MLN: variants seen among roughly 807,000 people sequenced by gnomAD.
MLN encodes the protein motilin.
MLN carries 14 observed loss-of-function variants against 13.3 expected under a neutral mutation model. The ratio of observed to expected loss-of-function variants is 1.05; its 90% CI spans 0.69 to 1.64. The LOEUF (loss-of-function observed/expected upper bound fraction) is 1.64. MLN is among the 40% of genes most tolerant of loss of function. The pLI is 0.00. For missense variants in MLN, 122 were observed against 142.9 expected, an observed-to-expected ratio of 0.85 and a Z score of 0.75; for synonymous variants, 59 against 54.7, an observed-to-expected ratio of 1.08 and a Z score of -0.34.
Position 33,799,116 on chromosome 6 carries a change from C to T in MLN, c.223G>A (p.Glu75Lys), listed in dbSNP as rs368261744. The T allele has an allele frequency of 1.1e-5, 18 of 1,605,770 alleles. No individual in the cohort carries two copies. Among genetic ancestry groups the T allele is most frequent in the South Asian group, 6.6e-5 (6 of 90,586 alleles). Residue 75 changes from glutamate to lysine, a missense_variant, in exon 3 of 5, where the codon GAA becomes AAA. By Grantham distance (56) the Glu-to-Lys change is moderately conservative. Coordinates refer to ENST00000430124, the MANE Select transcript of MLN (RefSeq NM_002418.3). This position sits in a 1 kb window ranked among gnomAD's most constrained non-coding sequence, Gnocchi z 4.6. ...PAEPIREEEN[E>K]MIKLTAPLEI... The stretch of plus-strand genomic sequence containing the variant: ...AGTTGTCTGCTCACCTTGATCATTT[C>T]GTTTTCTTCTTCCCTGATGGGCTCC...
Position 33,803,307 on chromosome 6 carries a change from CTT to C in MLN, c.-8+644_-8+645del, listed in dbSNP as rs535908944. The stretch of plus-strand genomic sequence containing the variant: ...CTTTTTCTTTTCCTTTTCTTTTCTT[CTT>C]TTTTTTTTTTTTTTCTGAGATGGAG... On this transcript the variant is annotated intron_variant, in intron 1 of 4. Transcript: ENST00000430124. This position sits in a 1 kb window ranked among gnomAD's most constrained non-coding sequence, Gnocchi z 4.5. Among the ~76,000 whole-genome samples the C allele has an allele frequency of 2.9e-5, 4 of 136,114 alleles. No homozygotes were observed. The highest frequency in any genetic ancestry group is 4.7e-5 in the Non-Finnish European group (3 of 64,048). The allele number at this position is 136,114 out of a possible 152,430, so 89.3% of individuals were successfully genotyped here. A position where few individuals can be genotyped will look rare whatever the true frequency, so the allele number is the denominator to read the frequency against.
rs371993811 is a variant in MLN at position 33,802,965 on chromosome 6, G to A, written c.-8+988C>T. On this transcript the variant is annotated intron_variant, in intron 1 of 4. Transcript: ENST00000430124. Reference sequence around the variant, plus strand: ...GCTATAGATCCTGTTTCATTCTGGTGTATTTAATTCACTCCATAGGAATCA... The same window carrying A: ...GCTATAGATCCTGTTTCATTCTGGTATATTTAATTCACTCCATAGGAATCA... Among the ~76,000 whole-genome samples, 101 of 152,194 alleles carry A rather than the reference G, an allele frequency of 6.6e-4. 2 individuals carry two copies. The South Asian group carries it at 0.016, about 25-fold the overall frequency.
intron 3 of MLN, among the ~76,000 whole-genome samples, chr6:33,796,552 G>A (rs954048582): frequency 5.4e-4 from 82 of 151,518 alleles, no homozygotes; most frequent in African/African-American, 1.9e-3. Context: ...GAGACTCCTG[G>A]CCTCTCGGGA....
intron 3 of MLN, among the ~76,000 whole-genome samples, chr6:33,796,716 G>C (rs1767933241): frequency 6.6e-6 from 1 of 152,204 alleles, no homozygotes; most frequent in Non-Finnish European, 1.5e-5. Flanking sequence ...GTTCCCAGCT[G>C]TGGTTATGCC....
At chr6:33,797,727 C>G (rs1561934043) in intron 3 of MLN, among the ~76,000 whole-genome samples, 1 of 152,186 alleles carries the variant, frequency 6.6e-6, no homozygotes, top group Non-Finnish European at 1.5e-5. Flanking sequence ...TTCTCTGTCT[C>G]TCTTAGACTA....
At position 33,803,773 on chromosome 6, in the gene MLN, T is replaced by G. The variant is rs1351093119; in HGVS notation, c.-8+180A>C. Among the ~76,000 whole-genome samples, 1 of 152,210 alleles carries G rather than the reference T, an allele frequency of 6.6e-6. No individual in the cohort carries two copies. Among genetic ancestry groups the G allele is most frequent in the Non-Finnish European group, 1.5e-5 (1 of 68,032 alleles). On this transcript the variant is annotated intron_variant, in intron 1 of 4. Transcript: ENST00000430124. This position sits in a 1 kb window ranked among gnomAD's most constrained non-coding sequence, Gnocchi z 4.5. The stretch of plus-strand genomic sequence containing the variant: ...CCTGCTTGCCTCCAGCGTCTGTGCC[T>G]CAGCCCTGCCTCTGCTCACTGATGC...
At chr6:33,794,903 C>G in intron 4 of MLN, 68 bp from the exon 5 acceptor site, 2 of 1,592,962 alleles carry the variant, frequency 1.3e-6, no homozygotes, top group Non-Finnish European at 1.7e-6. Flanking sequence ...CCCTCTAAAA[C>G]TTGCCTGCAG....
chr6:33,797,127 G>A (rs1582274261), intron 3 of MLN, among the ~76,000 whole-genome samples: 1 of 152,348 alleles, frequency 6.6e-6, no homozygotes, highest in Middle Eastern at 3.4e-3. Flanking sequence ...AAGATCACTG[G>A]CCTGTGTCCA....
chr6:33,801,127 C>T lies in MLN; in HGVS notation c.37G>A (p.Val13Met). Reference sequence around the variant, plus strand: ...GAGGCCAGCATGGCAGCTACATGCACCACCAGCAGAGCAGCCACAGCCTTA... The same window carrying T: ...GAGGCCAGCATGGCAGCTACATGCATCACCAGCAGAGCAGCCACAGCCTTA... ...SRKAVAALLV[V>M]HVAAMLASQT... The change falls in exon 2 of 5, where the codon GTG becomes ATG. Residue 13 changes from valine (V) to methionine (M), a missense_variant. Val to Met is a conservative substitution (Grantham distance 21, BLOSUM62 1). Coordinates refer to ENST00000430124, the MANE Select transcript of MLN (RefSeq NM_002418.3). 5 of 1,614,014 alleles carry T rather than the reference C, an allele frequency of 3.1e-6. No individual in the cohort carries two copies. Among genetic ancestry groups the T allele is most frequent in the Non-Finnish European group, 4.2e-6 (5 of 1,179,942 alleles).
rs1420173378 is a variant in MLN, at chr6:33,799,381, T to C, written c.118-160A>G. Among the ~76,000 whole-genome samples, 1 of 152,180 alleles carries C rather than the reference T, an allele frequency of 6.6e-6. No homozygotes were observed. Among genetic ancestry groups the C allele is most frequent in the Non-Finnish European group, 1.5e-5 (1 of 68,020 alleles). On this transcript the variant is annotated intron_variant, in intron 2 of 4. Coordinates refer to ENST00000430124, the MANE Select transcript of MLN (RefSeq NM_002418.3). The surrounding 1 kb of genome is among the most constrained non-coding windows in gnomAD (Gnocchi z 4.6). ...AGCCTCCTGCACGAGGAATCTCAGA[T>C]ACTAACTAGTGGCTCATGGATGTCC...
rs756859189 is a variant in MLN at position 33,795,609 on chromosome 6, T to C, written c.235-4A>G. ...CAATTTCCAGAGGAGCAGTCAGCTG[T>C]GAAATAAGGCAGCGTTAACAACGAG... On this transcript the variant is annotated splice_polypyrimidine_tract_variant and splice_region_variant and intron_variant, in intron 3 of 4. Transcript: ENST00000430124. 14 of 1,553,798 alleles carry C rather than the reference T, an allele frequency of 9.0e-6. No homozygotes were observed. The highest frequency in any genetic ancestry group is 1.2e-5 in the Non-Finnish European group (14 of 1,147,766).
intron 3 of MLN, among the ~76,000 whole-genome samples, chr6:33,796,161 G>A (rs937915161): frequency 4.6e-5 from 7 of 152,044 alleles, no homozygotes; most frequent in East Asian, 1.9e-4. Context: ...GGGTTTCACC[G>A]TGTTAGCCAG....
intron 4 of MLN, 80 bp from the exon 5 acceptor site, chr6:33,794,915 TC>T: frequency 1.9e-6 from 3 of 1,563,438 alleles, no homozygotes; most frequent in Non-Finnish European, 2.6e-6. Flanking sequence ...TGCCTGCAGG[TC>T]GGAGGGAGGA....
intron 1 of MLN, among the ~76,000 whole-genome samples, chr6:33,802,176 C>A (rs528286390): frequency 2.0e-5 from 3 of 152,172 alleles, no homozygotes; most frequent in Non-Finnish European, 4.4e-5. Context: ...CCCCACTCTA[C>A]GTTGCCTCTG....
chr6:33,802,082 G>A (rs916008769), intron 1 of MLN, among the ~76,000 whole-genome samples: 1 of 152,202 alleles, frequency 6.6e-6, no homozygotes, highest in Non-Finnish European at 1.5e-5. Flanking sequence ...GGATGGCCTA[G>A]CTGAGTGCCA....
In MLN at chr6:33,795,253, G is replaced by A. The variant is rs113343963; in HGVS notation, c.337+250C>T. Reference sequence around the variant, plus strand: ...GCAGCCACCCTGTGGTGATGTTGTGGAAGGGAATGAAAATATCTGGAGCAG... The same window carrying A: ...GCAGCCACCCTGTGGTGATGTTGTGAAAGGGAATGAAAATATCTGGAGCAG... On this transcript the variant is annotated intron_variant, in intron 4 of 4. Coordinates refer to ENST00000430124, the MANE Select transcript of MLN (RefSeq NM_002418.3). Among the ~76,000 whole-genome samples the A allele has an allele frequency of 1.2e-3, 189 of 152,354 alleles. 1 individual carries two copies. Among genetic ancestry groups the A allele is most frequent in the African/African-American group, 4.4e-3 (181 of 41,584 alleles).
intron 3 of MLN, among the ~76,000 whole-genome samples, chr6:33,797,098 G>A (rs1767943965): frequency 6.6e-6 from 1 of 152,216 alleles, no homozygotes; most frequent in Admixed American, 6.5e-5. Context: ...GTTGTTTTCT[G>A]GGCCCAACAG....
chr6:33,803,587 T>C lies in MLN; in HGVS notation c.-8+366A>G, dbSNP rs375289863. Among the ~76,000 whole-genome samples the C allele has an allele frequency of 4.3e-4, 65 of 152,356 alleles. No individual in the cohort carries two copies. The highest frequency in any genetic ancestry group is 1.4e-3 in the African/African-American group (59 of 41,586). On this transcript the variant is annotated intron_variant, in intron 1 of 4. Transcript: ENST00000430124. This position sits in a 1 kb window ranked among gnomAD's most constrained non-coding sequence, Gnocchi z 4.5. ...TCCCAAAATGCTGGGATTACAGGCA[T>C]GAGCCACTGCAGGGCCAAATTTTTC... is the stretch of plus-strand genomic sequence containing the variant.
intron 2 of MLN, among the ~76,000 whole-genome samples, chr6:33,800,835 C>T (rs909430143): frequency 1.3e-5 from 2 of 152,192 alleles, no homozygotes; most frequent in African/African-American, 2.4e-5. Context: ...TTAAAATTTC[C>T]TCCAAAGGAT....
Sources: gnomAD v4.1 joint callset for allele counts (sites outside exome capture counted in the v4.1 genomes callset) on GRCh38, gnomAD v4.1.1 for gene constraint, Gnocchi (gnomAD v3.1) non-coding constraint, MANE v1.5 for transcripts, NCBI Gene and HGNC (gene_info 2026-07-23, HGNC 2026-07-21) for gene names.